Variants in AP3S1 observed in about 807,000 individuals in gnomAD.
AP3S1 encodes the protein AP-3 complex subunit sigma-1.
In AP3S1, 12 loss-of-function variants were observed where a neutral mutation model predicts 21.3. The ratio of observed to expected loss-of-function variants is 0.56; its 90% CI spans 0.36 to 0.91. The LOEUF is 0.91. Ranked by LOEUF, AP3S1 falls within the 40% of genes least tolerant of loss-of-function variation. The pLI is 0.01. For synonymous variants in AP3S1, 48 were observed against 78.4 expected, an observed-to-expected ratio of 0.61 and a Z score of 2.05; for missense variants, 116 against 225.0, an observed-to-expected ratio of 0.52 and a Z score of 3.10.
chr5:115,871,949 T>G (rs1446387154), intron 3 of AP3S1, among the ~76,000 whole-genome samples: 1 of 152,172 alleles, frequency 6.6e-6, no homozygotes, highest in East Asian at 1.9e-4. Flanking sequence ...CGTTACAGAA[T>G]AGACAAGAAA....
rs139042767 is a variant in AP3S1, at chr5:115,842,574, C to G, written c.69+468C>G. The stretch of plus-strand genomic sequence containing the variant: ...CCCCTCCGCCGACTCCCATCCTTTC[C>G]AGGTGGACTTCTTTCTGTTCTTTGG... On this transcript the variant is annotated intron_variant, in intron 1 of 5. Coordinates refer to ENST00000316788, the MANE Select transcript of AP3S1 (RefSeq NM_001284.4). 45 of 158,366 alleles carry G rather than the reference C, an allele frequency of 2.8e-4. 1 individual carries two copies. Among genetic ancestry groups the G allele is most frequent in the Non-Finnish European group, 1.4e-5 (1 of 72,478 alleles). 9.8% of individuals were successfully genotyped at this position (158,366 alleles called of 1,614,324 possible).
intron 2 of AP3S1, among the ~76,000 whole-genome samples, chr5:115,868,458 C>T (rs59750231): frequency 0.11 from 16,629 of 152,068 alleles, 1,626 homozygotes; most frequent in East Asian, 0.33. Context: ...GAGTATCTAG[C>T]ATAGTAGGAA....
Position 115,870,000 on chromosome 5 carries a change from A to AT in AP3S1, c.162-10dup. 9 of 1,167,282 alleles carry AT rather than the reference A, an allele frequency of 7.7e-6. No individual in the cohort carries two copies. The highest frequency in any genetic ancestry group is 2.3e-5 in the Admixed American group (1 of 43,374). The allele number at this position is 1,167,282 out of a possible 1,614,324, so 72.3% of individuals were successfully genotyped here. ...GCATTTTGTTTCCAATAACATTACA[A>AT]TTTTTTTGTCATTTAGATTAATTGG... On this transcript the variant is annotated splice_polypyrimidine_tract_variant and intron_variant, in intron 2 of 5. Coordinates refer to ENST00000316788, the MANE Select transcript of AP3S1 (RefSeq NM_001284.4).
chr5:115,884,633 A>G (rs1041224598), intron 3 of AP3S1, among the ~76,000 whole-genome samples: 6 of 152,254 alleles, frequency 3.9e-5, no homozygotes, highest in African/African-American at 1.4e-4. Context: ...ACATAGATTT[A>G]TAAAAGCCTA....
At chr5:115,903,066 CT>C (rs1314431041) in intron 5 of AP3S1, 74 bp downstream of exon 5, 5 of 1,122,284 alleles carry the variant, frequency 4.5e-6, no homozygotes, top group Non-Finnish European at 6.6e-6. Flanking sequence ...GTAGTTTTCA[CT>C]GTTTGTCCTT....
intron 3 of AP3S1, among the ~76,000 whole-genome samples, chr5:115,885,664 C>T (rs1207335835): frequency 6.6e-6 from 1 of 152,232 alleles, no homozygotes; most frequent in East Asian, 1.9e-4. Context: ...TGGCAACACC[C>T]TCAAAGACAC....
chr5:115,875,327 A>G (rs1748615613), intron 3 of AP3S1, among the ~76,000 whole-genome samples: 1 of 152,188 alleles, frequency 6.6e-6, no homozygotes, highest in African/African-American at 2.4e-5. Flanking sequence ...TCTTCCCAGC[A>G]TCACCTGGCA....
At chr5:115,910,510 A>G (rs750988981) in intron 5 of AP3S1, among the ~76,000 whole-genome samples, 3 of 143,746 alleles carry the variant, frequency 2.1e-5, no homozygotes, top group African/African-American at 2.6e-5. Flanking sequence ...ATCTTACTGG[A>G]AAAAAAAAAA....
At chr5:115,862,648 T>C (rs893431295) in intron 1 of AP3S1, among the ~76,000 whole-genome samples, 3 of 152,254 alleles carry the variant, frequency 2.0e-5, no homozygotes, top group Admixed American at 2.0e-4. Flanking sequence ...TTTGAGAATC[T>C]GCTTAAAATG....
intron 1 of AP3S1, among the ~76,000 whole-genome samples, chr5:115,862,516 A>G (rs1252985951): frequency 6.6e-6 from 1 of 152,216 alleles, no homozygotes; most frequent in African/African-American, 2.4e-5. Flanking sequence ...CTCAGTGGAG[A>G]GAACTGTAAA....
At chr5:115,857,389 T>G (rs1308193794) in intron 1 of AP3S1, among the ~76,000 whole-genome samples, 2 of 152,210 alleles carry the variant, frequency 1.3e-5, no homozygotes, top group Non-Finnish European at 1.5e-5. Flanking sequence ...TATTGTTGCA[T>G]TCTCCATGCT....
chr5:115,859,194 G>A (rs955803643), intron 1 of AP3S1, among the ~76,000 whole-genome samples: 3 of 152,172 alleles, frequency 2.0e-5, no homozygotes, highest in Non-Finnish European at 2.9e-5. Context: ...AGGCAGTTTA[G>A]GTAGTGTAGG....
chr5:115,889,120 C>T (rs1007348830), intron 3 of AP3S1, among the ~76,000 whole-genome samples: 1 of 152,218 alleles, frequency 6.6e-6, no homozygotes, highest in African/African-American at 2.4e-5. Flanking sequence ...AATGCTATCA[C>T]GAACTTTTTT....
chr5:115,904,960 C>T (rs944825476), intron 5 of AP3S1, among the ~76,000 whole-genome samples: 9 of 152,028 alleles, frequency 5.9e-5, no homozygotes, highest in African/African-American at 2.2e-4. Flanking sequence ...GAATTTTCAC[C>T]TTTCTAGGTA....
intron 4 of AP3S1, among the ~76,000 whole-genome samples, chr5:115,896,274 C>G (rs1402275764): frequency 6.6e-6 from 1 of 152,152 alleles, no homozygotes; most frequent in East Asian, 1.9e-4. Flanking sequence ...AAATACTTTT[C>G]TCTTTGGCCA....
chr5:115,884,283 T>G (rs952231618), intron 3 of AP3S1, among the ~76,000 whole-genome samples: 1 of 152,254 alleles, frequency 6.6e-6, no homozygotes, highest in Non-Finnish European at 1.5e-5. Flanking sequence ...TAAGTTATCT[T>G]AAGTATTCTA....
intron 1 of AP3S1, among the ~76,000 whole-genome samples, chr5:115,865,378 G>T (rs940103381): frequency 6.6e-6 from 1 of 152,172 alleles, no homozygotes; most frequent in African/African-American, 2.4e-5. Context: ...ATTTCCAAAT[G>T]CATGGGGGAT....
At chr5:115,887,983 TA>T (rs1291542436) in intron 3 of AP3S1, among the ~76,000 whole-genome samples, 1 of 152,128 alleles carries the variant, frequency 6.6e-6, no homozygotes, top group Non-Finnish European at 1.5e-5. Context: ...ATTTACTTTT[TA>T]TATTTATTTT....
intron 3 of AP3S1, among the ~76,000 whole-genome samples, chr5:115,882,762 C>T (rs1230106770): frequency 1.3e-5 from 2 of 152,220 alleles, no homozygotes; most frequent in Non-Finnish European, 2.9e-5. Context: ...TCAGAGCTGG[C>T]AGGCATGAAC....
Sources: gnomAD v4.1 joint callset for allele counts (sites outside exome capture counted in the v4.1 genomes callset) on GRCh38, gnomAD v4.1.1 for gene constraint, MANE v1.5 for transcripts, NCBI Gene and HGNC (gene_info 2026-07-23, HGNC 2026-07-21) for gene names.